The following SCAPER variants were observed in gnomAD, a reference collection of about 807,000 sequenced individuals.
SCAPER encodes the protein S phase cyclin A-associated protein in the endoplasmic reticulum.
A neutral mutation model predicts 182.2 loss-of-function variants in SCAPER; 98 were observed. The observed-to-expected ratio is 0.54, with a 90% CI of 0.46 to 0.64. SCAPER has a LOEUF of 0.64. SCAPER is among the 30% of genes least tolerant of loss of function. SCAPER has a pLI of 0.00. For missense variants in SCAPER, 1,432 were observed against 1,690.0 expected (o/e 0.85, Z 2.68); for synonymous variants, 605 against 564.6 (o/e 1.07, Z -1.01).
rs1025814512 is a variant in SCAPER, at chr15:76,761,080, G to A, written c.1725+3881C>T. ...CTTTATTTCTTCTTGATTCAGTCAT[G>A]TTGGGTTGTATATTTCTAGGAATTT... On this transcript the variant is annotated intron_variant, in intron 14 of 31. Coordinates refer to ENST00000563290, the MANE Select transcript of SCAPER (RefSeq NM_020843.4). Among the ~76,000 whole-genome samples the A allele has an allele frequency of 1.2e-4, 19 of 152,210 alleles. 1 individual carries two copies. Among genetic ancestry groups the A allele is most frequent in the African/African-American group, 4.1e-4 (17 of 41,540 alleles).
At chr15:76,608,939 AG>A (rs759742056) in intron 22 of SCAPER, among the ~76,000 whole-genome samples, 12 of 152,152 alleles carry the variant, frequency 7.9e-5, no homozygotes, top group Non-Finnish European at 1.3e-4. Context: ...TTCTTTGACT[AG>A]GAAAGGGAAT....
At chr15:76,902,429 C>T (rs949662072) in intron 1 of SCAPER, among the ~76,000 whole-genome samples, 2 of 150,090 alleles carry the variant, frequency 1.3e-5, no homozygotes, top group Non-Finnish European at 1.5e-5. Context: ...CCCCAAGCAT[C>T]GGCATCAATT....
intron 21 of SCAPER, among the ~76,000 whole-genome samples, chr15:76,652,560 C>T (rs1055252438): frequency 2.1e-4 from 28 of 134,750 alleles, no homozygotes; most frequent in African/African-American, 6.9e-4. Context: ...CACACACACA[C>T]ATTAGCCGGG....
intron 22 of SCAPER, among the ~76,000 whole-genome samples, chr15:76,581,411 A>C (rs1253490810): frequency 6.6e-6 from 1 of 152,180 alleles, no homozygotes; most frequent in Non-Finnish European, 1.5e-5. Flanking sequence ...AATCCTCAAC[A>C]AAATACAAGC....
chr15:76,647,035 A>G (rs2054605647), intron 21 of SCAPER, among the ~76,000 whole-genome samples: 1 of 152,196 alleles, frequency 6.6e-6, no homozygotes, highest in African/African-American at 2.4e-5. Flanking sequence ...GGCCAAAGAA[A>G]TCTTAGTGAT....
intron 10 of SCAPER, 72 bp from the exon 11 acceptor site, chr15:76,767,160 C>T: frequency 7.6e-7 from 1 of 1,308,258 alleles, no homozygotes; most frequent in South Asian, 1.4e-5. Flanking sequence ...TTTTTATGTT[C>T]TAACATGAAC....
intron 21 of SCAPER, 122 bp downstream of exon 21, chr15:76,665,531 A>C (rs938298034): frequency 8.6e-7 from 1 of 1,162,908 alleles, no homozygotes. Flanking sequence ...TAGGCTCATC[A>C]GTGTTATTTC....
intron 20 of SCAPER, among the ~76,000 whole-genome samples, chr15:76,682,073 G>A (rs566431525): frequency 3.8e-4 from 58 of 152,212 alleles, no homozygotes; most frequent in African/African-American, 1.3e-3. Context: ...CCAGGGTGCC[G>A]CTGGGGCTCT....
chr15:76,597,962 A>C (rs2049629982), intron 22 of SCAPER, among the ~76,000 whole-genome samples: 1 of 121,532 alleles, frequency 8.2e-6, no homozygotes, highest in African/African-American at 2.5e-5. Context: ...AGATGTAATT[A>C]AACTAAAGAG....
At chr15:76,705,865 C>T (rs1003300169) in intron 18 of SCAPER, 38 bp downstream of exon 18, 11 of 1,410,362 alleles carry the variant, frequency 7.8e-6, no homozygotes, top group Middle Eastern at 2.2e-4. Context: ...CCACTGTAAG[C>T]TCTAAAATTT....
At chr15:76,399,341 T>C (rs2044296004) in intron 27 of SCAPER, among the ~76,000 whole-genome samples, 1 of 152,104 alleles carries the variant, frequency 6.6e-6, no homozygotes. Context: ...TTTCACCATG[T>C]TGGCCAGTCT....
intron 15 of SCAPER, among the ~76,000 whole-genome samples, chr15:76,751,122 A>G (rs1415288474): frequency 6.6e-6 from 1 of 151,854 alleles, no homozygotes; most frequent in Non-Finnish European, 1.5e-5. Context: ...TCATGAAAAC[A>G]ACTCCATTAA....
chr15:76,641,663 G>A (rs2054114700), intron 21 of SCAPER, among the ~76,000 whole-genome samples: 1 of 152,108 alleles, frequency 6.6e-6, no homozygotes, highest in Non-Finnish European at 1.5e-5. Flanking sequence ...ACAGGAACTT[G>A]GCTAATTGCT....
At chr15:76,609,997 T>A (rs949484679) in intron 22 of SCAPER, among the ~76,000 whole-genome samples, 1 of 147,518 alleles carries the variant, frequency 6.8e-6, no homozygotes, top group Admixed American at 6.6e-5. Context: ...GGTGAAATAG[T>A]TTTTTCTTTC....
At chr15:76,747,395 A>T (rs1012914916) in intron 15 of SCAPER, among the ~76,000 whole-genome samples, 1 of 146,804 alleles carries the variant, frequency 6.8e-6, no homozygotes, top group Admixed American at 6.7e-5. Context: ...CCAGCTACTC[A>T]GGAGGCTGAG....
At chr15:76,719,785 A>G (rs548467621) in intron 17 of SCAPER, among the ~76,000 whole-genome samples, 1 of 152,168 alleles carries the variant, frequency 6.6e-6, no homozygotes, top group African/African-American at 2.4e-5. Context: ...AGGCATAAAG[A>G]TGAGGAAAAA....
intron 14 of SCAPER, among the ~76,000 whole-genome samples, chr15:76,760,232 C>G (rs1199402938): frequency 6.6e-6 from 1 of 152,180 alleles, no homozygotes; most frequent in Non-Finnish European, 1.5e-5. Context: ...AGTTCTGACC[C>G]ATACTTCTGA....
chr15:76,685,560 G>A lies in SCAPER; in HGVS notation c.2508+16198C>T, dbSNP rs577391317. 2.0e-5 allele frequency among the ~76,000 whole-genome samples: 3 copies of A among 152,052 alleles called. No homozygotes were observed. The South Asian group carries it at 6.2e-4, about 31-fold the overall frequency. On this transcript the variant is annotated intron_variant, in intron 20 of 31. Coordinates refer to ENST00000563290, the MANE Select transcript of SCAPER (RefSeq NM_020843.4). ...GAATTATAAAACCTAATTTAGTAAC[G>A]AATATTCTTAAAGGCCTAATTGAAA...
chr15:76,837,809 A>G (rs2151752721), intron 5 of SCAPER, among the ~76,000 whole-genome samples: 1 of 152,360 alleles, frequency 6.6e-6, no homozygotes, highest in Admixed American at 6.5e-5. Context: ...AAAAATGCTC[A>G]ACATCACTAA....
Sources: gnomAD v4.1 joint callset for allele counts (sites outside exome capture counted in the v4.1 genomes callset) on GRCh38, gnomAD v4.1.1 for gene constraint, MANE v1.5 for transcripts, NCBI Gene and HGNC (gene_info 2026-07-23, HGNC 2026-07-21) for gene names.